SFI1: variants seen among roughly 807,000 people sequenced by gnomAD.
SFI1 encodes the protein SFI1 centrin binding protein.
A neutral mutation model predicts 207.5 loss-of-function variants in SFI1; 195 were observed. The observed-to-expected ratio is 0.94, with a 90% confidence interval of 0.84 to 1.06. SFI1 has a LOEUF of 1.06. Ranked by LOEUF, SFI1 falls within the 50% of genes least tolerant of loss-of-function variation. The pLI, the probability that SFI1 is intolerant of heterozygous loss-of-function variation, is 0.00. For missense variants in SFI1, 1,634 were observed against 1,588.0 expected, an observed-to-expected ratio of 1.03 and a Z score of -0.49; for synonymous variants, 630 against 598.9, an observed-to-expected ratio of 1.05 and a Z score of -0.76.
intron 7 of SFI1, 46 bp from the exon 8 acceptor site, chr22:31,561,244 G>A (rs545558278): frequency 3.8e-6 from 6 of 1,571,830 alleles, no homozygotes; most frequent in Non-Finnish European, 5.2e-6. Flanking sequence ...TCTTTCCTGA[G>A]TGGCTTTTTA....
chr22:31,528,081 C>A (rs1307549749), intron 2 of SFI1, among the ~76,000 whole-genome samples: 1 of 152,080 alleles, frequency 6.6e-6, no homozygotes, highest in East Asian at 1.9e-4. Context: ...CCACTGCACT[C>A]CAGCCTGGGC....
chr22:31,611,178 TGCAGCCGGAGG>T lies in SFI1; in HGVS notation c.2291_2301del (p.Cys764PhefsTer189). The T allele has an allele frequency of 6.2e-7, 1 of 1,614,152 alleles. No homozygotes were observed. The highest frequency in any genetic ancestry group is 8.5e-7 in the Non-Finnish European group (1 of 1,180,038). ...GACCTGGTTTCAGCGCTGGTGGGAC[TGCAGCCGGAGG>T]TCAGCCCAGCAGAGACTGCAGCTGG... On this transcript the variant is annotated frameshift_variant, in exon 23 of 33. Coordinates refer to ENST00000400288, the MANE Select transcript of SFI1 (RefSeq NM_001007467.3). LOFTEE classifies it high-confidence loss of function.
chr22:31,575,316 G>C lies in SFI1; in HGVS notation c.1008G>C (p.Leu336Phe), dbSNP rs1325659534. Reference protein sequence around the residue: ...WQQAWERRESLYAHHAQVEKL... With the variant: ...WQQAWERRESFYAHHAQVEKL... ...AGGCCTGGGAGCGGAGGGAGAGCTT[G>C]TACGCTCACCATGCCCAGGTGGAGA... The change falls in exon 10 of 33, where the codon TTG becomes TTC. Residue 336 changes from leucine to phenylalanine, a missense_variant. Physicochemically the swap from Leu to Phe is conservative, Grantham distance 22. Transcript: ENST00000400288. 3.7e-6 allele frequency: 6 copies of C among 1,613,428 alleles called. No individual in the cohort carries two copies. The East Asian group carries it at 6.7e-5, about 18-fold the overall frequency.
In SFI1 at chr22:31,614,019, C is replaced by G. The variant is rs375098356; in HGVS notation, c.2996+164C>G. ...TCTTCTCCAGCCAGATCCCATCCCTCCCACGGCAAGAGGGAGAGAATGGAG... is the reference window on the plus strand; with the variant it reads ...TCTTCTCCAGCCAGATCCCATCCCTGCCACGGCAAGAGGGAGAGAATGGAG... On this transcript the variant is annotated intron_variant, in intron 27 of 32. Coordinates refer to ENST00000400288, the MANE Select transcript of SFI1 (RefSeq NM_001007467.3). 39 of 893,506 alleles carry G rather than the reference C, an allele frequency of 4.4e-5. 3 individuals are homozygous for G. In the Admixed American group the frequency reaches 7.0e-4, roughly 16 times the overall value. The allele number at this position is 893,506 out of a possible 1,614,324, so 55.3% of individuals were successfully genotyped here.
chr22:31,499,627 G>A (rs958835785), intron 1 of SFI1, among the ~76,000 whole-genome samples: 1 of 152,148 alleles, frequency 6.6e-6, no homozygotes, highest in Non-Finnish European at 1.5e-5. Flanking sequence ...GTTCTACTGT[G>A]GGTAAAATGC....
intron 21 of SFI1, among the ~76,000 whole-genome samples, chr22:31,606,902 T>C (rs2069125249): frequency 6.6e-6 from 1 of 152,044 alleles, no homozygotes; most frequent in African/African-American, 2.4e-5. Flanking sequence ...TTCACCACAT[T>C]GGCTAGGCTG....
intron 8 of SFI1, among the ~76,000 whole-genome samples, chr22:31,562,510 C>T (rs577120499): frequency 4.0e-5 from 6 of 151,422 alleles, no homozygotes; most frequent in South Asian, 2.1e-4. Context: ...AAGTGCTTTA[C>T]GTGCATTATC....
Position 31,518,138 on chromosome 22 carries a change from C to T in SFI1, c.92+9762C>T, listed in dbSNP as rs1602017391. ...AGTAGCTGGGATTACAGGCACCCACCACCACGCCTGGCTGTTTTTTGTATT... is the reference window on the plus strand; with the variant it reads ...AGTAGCTGGGATTACAGGCACCCACTACCACGCCTGGCTGTTTTTTGTATT... On this transcript the variant is annotated intron_variant, in intron 2 of 32. Transcript: ENST00000400288. 2.6e-5 allele frequency among the ~76,000 whole-genome samples: 4 copies of T among 152,296 alleles called. No individual in the cohort carries two copies. In the East Asian group the frequency reaches 7.7e-4, roughly 29 times the overall value.
At chr22:31,500,587 A>G (rs535410531) in intron 1 of SFI1, among the ~76,000 whole-genome samples, 1 of 152,082 alleles carries the variant, frequency 6.6e-6, no homozygotes, top group South Asian at 2.1e-4. Flanking sequence ...CCTCCTGAGT[A>G]GCTGGAATTA....
Position 31,611,801 on chromosome 22 carries a change from G to C in SFI1, c.2451G>C (p.Gln817His). The change falls in exon 24 of 33, where the codon CAG becomes CAC. Residue 817 changes from glutamine to histidine, a missense_variant. By Grantham distance (24) the Gln-to-His change is conservative. Coordinates refer to ENST00000400288, the MANE Select transcript of SFI1 (RefSeq NM_001007467.3). ...GGCAGAGCACCCAACTGCTGGCACA[G>C]AGACTCAGCCGGACCTGCTTCCGCC... ...LHRQSTQLLA[Q>H]RLSRTCFRQW... 2 of 1,613,928 alleles carry C rather than the reference G, an allele frequency of 1.2e-6. No homozygotes were observed. Among genetic ancestry groups the C allele is most frequent in the South Asian group, 2.2e-5 (2 of 91,082 alleles).
chr22:31,601,933 C>T (rs1192232142), intron 15 of SFI1, among the ~76,000 whole-genome samples: 2 of 147,406 alleles, frequency 1.4e-5, no homozygotes, highest in East Asian at 1.9e-4. Context: ...GTTGGTACTA[C>T]AGGCACACAC....
chr22:31,560,083 T>A (rs2148242795), intron 7 of SFI1: 1 of 237,586 alleles, frequency 4.2e-6, no homozygotes, highest in Admixed American at 5.3e-5. Flanking sequence ...CATAAGAAGA[T>A]AAGTGATAAT....
intron 27 of SFI1, 126 bp downstream of exon 27, chr22:31,613,981 G>C: frequency 7.9e-7 from 1 of 1,272,928 alleles, no homozygotes; most frequent in Non-Finnish European, 1.0e-6. Flanking sequence ...CAGCTGAGCT[G>C]CTGGGAACCC....
chr22:31,535,213 T>C (rs2058870700), intron 4 of SFI1, among the ~76,000 whole-genome samples: 1 of 129,424 alleles, frequency 7.7e-6, no homozygotes, highest in Non-Finnish European at 1.6e-5. Context: ...TGAGACATAG[T>C]GTTGCTTGCT....
intron 15 of SFI1, among the ~76,000 whole-genome samples, chr22:31,593,987 C>A (rs1240746194): frequency 1.9e-5 from 1 of 53,252 alleles, no homozygotes; most frequent in African/African-American, 5.9e-5. Context: ...GAGACGGAGA[C>A]GAGGGAGAGG....
In SFI1 at chr22:31,603,739, C is replaced by T. The variant is rs1426714305; in HGVS notation, c.1806-5C>T. On this transcript the variant is annotated splice_region_variant and splice_polypyrimidine_tract_variant and intron_variant, in intron 17 of 32. Transcript: ENST00000400288. ...GCAGCACTGAGCTCTGCCATCTCCC[C>T]ACAGGAGGACGGGCAGGGTGCGGGC... 32 of 1,533,548 alleles carry T rather than the reference C, an allele frequency of 2.1e-5. No individual in the cohort carries two copies. The highest frequency in any genetic ancestry group is 2.8e-5 in the Non-Finnish European group (32 of 1,153,322). 95.0% of individuals were successfully genotyped at this position (1,533,548 alleles called of 1,614,324 possible).
rs200973442 is a variant in SFI1, at chr22:31,602,715, C to T, written c.1735C>T (p.His579Tyr). The part of the protein sequence containing the change: ...EQEWQTVACA[H>Y]HRHGRLKKAF... The stretch of plus-strand genomic sequence containing the variant: ...GGAGTGGCAAACAGTGGCCTGTGCC[C>T]ACCACCGCCACGGGCGGCTCAAGAA... Residue 579 changes from histidine (H) to tyrosine (Y), a missense_variant, in exon 17 of 33, where the codon CAC (histidine) becomes TAC (tyrosine). Transcript: ENST00000400288. The T allele has an allele frequency of 6.2e-7, 1 of 1,606,970 alleles. No individual in the cohort carries two copies. The highest frequency in any genetic ancestry group is 8.5e-7 in the Non-Finnish European group (1 of 1,179,950).
intron 13 of SFI1, 84 bp from the exon 14 acceptor site, chr22:31,584,984 G>A (rs1467665911): frequency 1.3e-5 from 16 of 1,187,478 alleles, no homozygotes; most frequent in Non-Finnish European, 1.7e-5. Context: ...TTAACTCACA[G>A]GAAGTAACTG....
In SFI1 at chr22:31,575,116, GT is replaced by G. The variant is rs2063346607; in HGVS notation, c.923-114del. The G allele has an allele frequency of 1.3e-5, 8 of 613,200 alleles. No homozygotes were observed. The Admixed American group carries it at 1.7e-4, about 13-fold the overall frequency. 38.0% of individuals were successfully genotyped at this position (613,200 alleles called of 1,614,324 possible). ...TGTGTGTGTGTGTGTGTGTGTGTGT[GT>G]GTGTGGCCTTGAACCCCTGCTCTCT... On this transcript the variant is annotated intron_variant, in intron 9 of 32. Coordinates refer to ENST00000400288, the MANE Select transcript of SFI1 (RefSeq NM_001007467.3).
Sources: gnomAD v4.1 joint callset for allele counts (sites outside exome capture counted in the v4.1 genomes callset) on GRCh38, gnomAD v4.1.1 for gene constraint, MANE v1.5 for transcripts, NCBI Gene and HGNC (gene_info 2026-07-23, HGNC 2026-07-21) for gene names.